Variants in ANKFY1 observed in about 807,000 individuals in gnomAD.
ANKFY1 encodes ankyrin repeat and FYVE domain containing 1, also known as ankyrin repeat and FYVE domain-containing protein 1.
A neutral mutation model predicts 128.3 loss-of-function variants in ANKFY1; 47 were observed. The observed-to-expected ratio is 0.37, with a 90% CI of 0.29 to 0.47. The LOEUF is 0.47. ANKFY1 is among the 20% of genes least tolerant of loss of function. ANKFY1 has a pLI of 1.00. For synonymous variants in ANKFY1, 553 were observed against 601.6 expected, an observed-to-expected ratio of 0.92 and a Z score of 1.18; for missense variants, 1,222 against 1,510.6, an observed-to-expected ratio of 0.81 and a Z score of 3.17.
chr17:4,198,128 T>A (rs1477595809), intron 7 of ANKFY1, among the ~76,000 whole-genome samples: 27 of 136,806 alleles, frequency 2.0e-4, no homozygotes, highest in Non-Finnish European at 1.9e-4. Flanking sequence ...AAACTCCGTC[T>A]TAAAAAAAAA....
intron 3 of ANKFY1, chr17:4,223,047 G>GAT: frequency 1.3e-6 from 1 of 740,958 alleles, no homozygotes; most frequent in South Asian, 1.5e-5. Context: ...ACTCCAAGAA[G>GAT]GTACTCTTGG....
rs369812905 is a variant in ANKFY1 at position 4,244,952 on chromosome 17, CACT to C, written c.11-2507_11-2505del. 1.1e-3 allele frequency among the ~76,000 whole-genome samples: 162 copies of C among 152,224 alleles called. 1 individual carries two copies. The highest frequency in any genetic ancestry group is 3.7e-3 in the African/African-American group (155 of 41,522). ...CCCGCCATCTCTAGCTACCATACACCACTGTCTCACCTGCCATTCCCTCTTCTG... is the reference window on the plus strand; with the variant it reads ...CCCGCCATCTCTAGCTACCATACACCGTCTCACCTGCCATTCCCTCTTCTG... On this transcript the variant is annotated intron_variant, in intron 1 of 24. Coordinates refer to ENST00000341657, the MANE Select transcript of ANKFY1 (RefSeq NM_001330063.2).
chr17:4,227,920 G>A (rs2060451553), intron 3 of ANKFY1, among the ~76,000 whole-genome samples: 1 of 151,964 alleles, frequency 6.6e-6, no homozygotes, highest in African/African-American at 2.4e-5. Context: ...ACGGCTAATG[G>A]GAATGTAAAA....
At chr17:4,200,434 C>T (rs2059907567) in intron 7 of ANKFY1, among the ~76,000 whole-genome samples, 1 of 152,168 alleles carries the variant, frequency 6.6e-6, no homozygotes, top group Admixed American at 6.5e-5. Flanking sequence ...AACTTGAAGT[C>T]CCCATGTGTG....
intron 3 of ANKFY1, among the ~76,000 whole-genome samples, chr17:4,221,106 G>A (rs1022847238): frequency 6.6e-6 from 1 of 152,100 alleles, no homozygotes; most frequent in Admixed American, 6.5e-5. Flanking sequence ...TTTTTGTTTT[G>A]GTTTGAATTT....
intron 3 of ANKFY1, among the ~76,000 whole-genome samples, chr17:4,227,593 A>C (rs2060446056): frequency 1.3e-5 from 2 of 152,242 alleles, no homozygotes; most frequent in South Asian, 4.1e-4. Flanking sequence ...TTTCTCCCTG[A>C]GATCAAGAAC....
intron 1 of ANKFY1, among the ~76,000 whole-genome samples, chr17:4,248,614 T>G (rs1490525915): frequency 6.6e-6 from 1 of 152,228 alleles, no homozygotes; most frequent in African/African-American, 2.4e-5. Context: ...TGACCAGTTT[T>G]CAGCCGTGGT....
intron 1 of ANKFY1, among the ~76,000 whole-genome samples, chr17:4,257,379 T>G: frequency 6.6e-6 from 1 of 152,186 alleles, no homozygotes; most frequent in Non-Finnish European, 1.5e-5. Flanking sequence ...CTGATTCCTT[T>G]CGGTAGTATC....
chr17:4,169,234 G>A lies in ANKFY1; in HGVS notation c.3341C>T (p.Thr1114Ile). Residue 1114 changes from threonine (T) to isoleucine (I), a missense_variant, in exon 24 of 25, where the codon ACT becomes ATT. Coordinates refer to ENST00000341657, the MANE Select transcript of ANKFY1 (RefSeq NM_001330063.2). This position sits in a 1 kb window ranked among gnomAD's most constrained non-coding sequence, Gnocchi z 5.0. ...WCDGSYCYEC[T>I]ARFGVTTRKH... is the part of the protein sequence containing the mutation. ...GCGAGTGGTGACTCCGAACCTGGCA[G>A]TGCACTCATAGCAGTAGGAGCCGTC... 1 of 1,553,068 alleles carries A rather than the reference G, an allele frequency of 6.4e-7. No individual in the cohort carries two copies. The highest frequency in any genetic ancestry group is 8.7e-7 in the Non-Finnish European group (1 of 1,147,898).
chr17:4,167,909 C>T lies in ANKFY1; in HGVS notation c.3380G>A (p.Arg1127His). 4.3e-6 allele frequency: 7 copies of T among 1,612,122 alleles called. No individual in the cohort carries two copies. The highest frequency in any genetic ancestry group is 5.9e-6 in the Non-Finnish European group (7 of 1,178,928). Residue 1127 changes from arginine (R) to histidine (H), a missense_variant and splice_region_variant, in exon 25 of 25, where the codon CGT becomes CAT. Physicochemically the swap from Arg to His is conservative, Grantham distance 29 (BLOSUM62 0). Coordinates refer to ENST00000341657, the MANE Select transcript of ANKFY1 (RefSeq NM_001330063.2). The surrounding 1 kb of genome is among the most constrained non-coding windows in gnomAD (Gnocchi z 4.1). ...FGVTTRKHHC[R>H]HCGRLLCHKC... ...ATGGCAAAGAAGACGTCCGCAGTGA[C>T]GACTGTGGAAGCAAAGAAAGGAAGT... is the stretch of plus-strand genomic sequence containing the variant.
In ANKFY1 at chr17:4,173,258, C is replaced by T. The variant is rs112155394; in HGVS notation, c.3014+96G>A. On this transcript the variant is annotated intron_variant, in intron 21 of 24. Transcript: ENST00000341657. ...TGAGGTGCCCCAGCGGCCGGTTTTG[C>T]AGCTCCTCCCTGGGGCTGATGGGAG... is the stretch of plus-strand genomic sequence containing the variant. The T allele has an allele frequency of 5.4e-3, 6,566 of 1,217,234 alleles. 34 individuals are homozygous for T. Among genetic ancestry groups the T allele is most frequent in the Middle Eastern group, 9.7e-3 (37 of 3,822 alleles). The allele number at this position is 1,217,234 out of a possible 1,614,324, so 75.4% of individuals were successfully genotyped here. A position where few individuals can be genotyped will look rare whatever the true frequency, so the allele number is the denominator to read the frequency against.
In ANKFY1 at chr17:4,181,195, G is replaced by C. The variant is rs1598023250; in HGVS notation, c.2240+59C>G. On this transcript the variant is annotated intron_variant, in intron 16 of 24. Coordinates refer to ENST00000341657, the MANE Select transcript of ANKFY1 (RefSeq NM_001330063.2). The surrounding 1 kb of genome is among the most constrained non-coding windows in gnomAD (Gnocchi z 4.9). Reference sequence around the variant, plus strand: ...ACTATAGACGGATTTAAAAAGGAAAGAGCCAGTTTGCAACAAGCTCACTAA... The same window carrying C: ...ACTATAGACGGATTTAAAAAGGAAACAGCCAGTTTGCAACAAGCTCACTAA... 5.0e-6 allele frequency: 7 copies of C among 1,393,632 alleles called. No homozygotes were observed. In the South Asian group the frequency reaches 8.1e-5, roughly 16 times the overall value. The allele number at this position is 1,393,632 out of a possible 1,614,324, so 86.3% of individuals were successfully genotyped here. A position where few individuals can be genotyped will look rare whatever the true frequency, so the allele number is the denominator to read the frequency against.
intron 14 of ANKFY1, 52 bp downstream of exon 14, chr17:4,183,346 A>C: frequency 1.9e-6 from 3 of 1,586,586 alleles, no homozygotes; most frequent in Non-Finnish European, 2.6e-6. Context: ...TGCTTTTGAC[A>C]TCTCAATTAA....
At chr17:4,224,373 C>T (rs1241127904) in intron 3 of ANKFY1, among the ~76,000 whole-genome samples, 5 of 151,880 alleles carry the variant, frequency 3.3e-5, no homozygotes, top group Non-Finnish European at 7.4e-5. Context: ...CAGGTGCGCA[C>T]CACCACGCCC....
At chr17:4,208,455 A>T (rs1284932875) in intron 5 of ANKFY1, among the ~76,000 whole-genome samples, 1 of 152,192 alleles carries the variant, frequency 6.6e-6, no homozygotes, top group African/African-American at 2.4e-5. Flanking sequence ...CTCACATGAG[A>T]GCAGGGAGTC....
At chr17:4,245,398 GT>G (rs1173261524) in intron 1 of ANKFY1, among the ~76,000 whole-genome samples, 1 of 151,982 alleles carries the variant, frequency 6.6e-6, no homozygotes. Flanking sequence ...TAGAGATGGG[GT>G]ATCACTATGT....
chr17:4,250,731 G>A (rs963516735), intron 1 of ANKFY1, among the ~76,000 whole-genome samples: 15 of 152,030 alleles, frequency 9.9e-5, no homozygotes, highest in African/African-American at 3.6e-4. Flanking sequence ...GCAGTGTCCT[G>A]ATCATAACTC....
chr17:4,256,225 G>A (rs1050131969), intron 1 of ANKFY1, among the ~76,000 whole-genome samples: 26 of 152,146 alleles, frequency 1.7e-4, no homozygotes, highest in African/African-American at 5.5e-4. Context: ...TGAGGAGATC[G>A]AGACCATCCT....
chr17:4,190,938 G>A (rs1007310216), intron 10 of ANKFY1, among the ~76,000 whole-genome samples: 1 of 152,166 alleles, frequency 6.6e-6, no homozygotes, highest in Non-Finnish European at 1.5e-5. Flanking sequence ...AGGAGTTCGA[G>A]ACAAGCCTGG....
Sources: allele counts gnomAD v4.1 joint callset (sites outside exome capture counted in the v4.1 genomes callset), GRCh38; gene constraint gnomAD v4.1.1; non-coding constraint Gnocchi (gnomAD v3.1); transcripts MANE v1.5; gene names NCBI Gene and HGNC (gene_info 2026-07-23, HGNC 2026-07-21).